The following PTBP2 variants were observed in gnomAD, a reference collection of about 807,000 sequenced individuals.
PTBP2 encodes the protein polypyrimidine tract-binding protein 2.
A neutral mutation model predicts 61.4 loss-of-function variants in PTBP2; 13 were observed. The observed-to-expected ratio is 0.21, with a 90% CI of 0.14 to 0.34. PTBP2 has a LOEUF of 0.34. Among genes scored for constraint, PTBP2 ranks in the 10% least tolerant of loss-of-function variants. The pLI, the probability that PTBP2 is intolerant of heterozygous loss-of-function variation, is 1.00. For synonymous variants in PTBP2, 215 were observed against 218.5 expected (o/e 0.98, Z 0.14); for missense variants, 405 against 642.6 (o/e 0.63, Z 4.00).
At chr1:96,755,417 C>T (rs1411614534) in intron 3 of PTBP2, among the ~76,000 whole-genome samples, 3 of 152,096 alleles carry the variant, frequency 2.0e-5, no homozygotes, top group African/African-American at 7.2e-5. Flanking sequence ...AATGTAAAAT[C>T]GTAGTACTTT....
intron 2 of PTBP2, among the ~76,000 whole-genome samples, chr1:96,746,225 CTT>C (rs1159372663): frequency 2.6e-5 from 4 of 152,042 alleles, no homozygotes; most frequent in African/African-American, 9.7e-5. Context: ...GTAAAATAAA[CTT>C]TATGAGACAG....
intron 8 of PTBP2, among the ~76,000 whole-genome samples, chr1:96,789,941 A>G (rs1452724529): frequency 4.6e-5 from 7 of 152,146 alleles, no homozygotes; most frequent in African/African-American, 9.6e-5. Context: ...AATGTCCTCA[A>G]ATACCCAGCT....
In PTBP2 at chr1:96,723,561, C is replaced by T; in HGVS notation, c.9-3C>T. 2 of 1,563,314 alleles carry T rather than the reference C, an allele frequency of 1.3e-6. No homozygotes were observed. Among genetic ancestry groups the T allele is most frequent in the Middle Eastern group, 1.7e-4 (1 of 5,830 alleles). On this transcript the variant is annotated splice_region_variant and splice_polypyrimidine_tract_variant and intron_variant, in intron 1 of 13. Transcript: ENST00000674951. Reference sequence around the variant, plus strand: ...GTTGAAACTACTTATTTTTTCTTTGCAGAATCGTCACTGAGGTTGCAGTTG... The same window carrying T: ...GTTGAAACTACTTATTTTTTCTTTGTAGAATCGTCACTGAGGTTGCAGTTG...
At chr1:96,822,584 G>A (rs1211488032) in exon 14 of PTBP2, 1 of 152,120 alleles carries the variant, frequency 6.6e-6, no homozygotes, top group East Asian at 1.9e-4. Flanking sequence ...CTTTTGAATT[G>A]ATTTAGTTTT....
rs1415723889 is a variant in PTBP2 at position 96,721,801 on chromosome 1, C to T, written c.-64C>T. ...CGGGCCCCAGCCGCCATTTTCTCGC[C>T]GCTTGTGTGGCTCGCTGGCTGCGTG... On this transcript the variant is annotated 5_prime_UTR_variant, in exon 1 of 14. Transcript: ENST00000674951. 1.3e-6 allele frequency: 2 copies of T among 1,550,120 alleles called. No individual in the cohort carries two copies. Among genetic ancestry groups the T allele is most frequent in the Admixed American group, 2.0e-5 (1 of 50,886 alleles).
At chr1:96,807,096 T>C (rs998460495) in intron 11 of PTBP2, 138 bp downstream of exon 11, 1 of 614,690 alleles carries the variant, frequency 1.6e-6, no homozygotes. Context: ...GTCATTTTAA[T>C]GTGAATAGTT....
rs552300530 is a variant in PTBP2, at chr1:96,738,973, A to C, written c.40-12452A>C. On this transcript the variant is annotated intron_variant, in intron 2 of 13. Coordinates refer to ENST00000674951, the MANE Select transcript of PTBP2 (RefSeq NM_021190.4). ...CTGTTCAGTGATAAGACAATGAATA[A>C]ATTCTGTTCATAAACATTACAAATG... is the stretch of plus-strand genomic sequence containing the variant. Among the ~76,000 whole-genome samples the C allele has an allele frequency of 7.2e-5, 11 of 152,332 alleles. No homozygotes were observed. The South Asian group carries it at 2.1e-3, about 29-fold the overall frequency.
At chr1:96,794,523 A>G (rs949226536) in intron 8 of PTBP2, among the ~76,000 whole-genome samples, 6 of 152,228 alleles carry the variant, frequency 3.9e-5, no homozygotes, top group African/African-American at 1.4e-4. Context: ...ATTAATTGCC[A>G]TGAACATTTC....
chr1:96,755,939 C>G (rs971920964), intron 3 of PTBP2, among the ~76,000 whole-genome samples: 1 of 152,078 alleles, frequency 6.6e-6, no homozygotes, highest in Non-Finnish European at 1.5e-5. Context: ...CAAAACTTGT[C>G]AAATTTTATA....
chr1:96,794,039 T>C (rs1660120087), intron 8 of PTBP2, among the ~76,000 whole-genome samples: 1 of 152,238 alleles, frequency 6.6e-6, no homozygotes, highest in Non-Finnish European at 1.5e-5. Context: ...TTAAAAACTT[T>C]TCACATAGTC....
downstream of PTBP2, chr1:96,819,091 A>G (rs1440288305): frequency 6.6e-6 from 1 of 152,020 alleles, no homozygotes; most frequent in African/African-American, 2.4e-5. Context: ...ATTTTTTTTA[A>G]TAGAATGCAA....
intron 3 of PTBP2, among the ~76,000 whole-genome samples, chr1:96,767,673 G>A (rs1159559856): frequency 6.6e-6 from 1 of 152,078 alleles, no homozygotes; most frequent in Non-Finnish European, 1.5e-5. Context: ...TAAAGTATAT[G>A]TGTATTTTTT....
intron 2 of PTBP2, among the ~76,000 whole-genome samples, chr1:96,729,780 G>A (rs957756635): frequency 1.4e-5 from 2 of 143,372 alleles, no homozygotes; most frequent in East Asian, 4.1e-4. Context: ...TCTGTCGCCC[G>A]GGCTGGAGTG....
At chr1:96,821,122 A>G (rs1004888523) in exon 14 of PTBP2, 3 of 152,088 alleles carry the variant, frequency 2.0e-5, no homozygotes, top group African/African-American at 7.2e-5. Flanking sequence ...GTCTTGTGTT[A>G]TTTGTAGTTT....
rs369703111 is a variant in PTBP2 at position 96,761,876 on chromosome 1, G to A, written c.116-7827G>A. Among the ~76,000 whole-genome samples the A allele has an allele frequency of 6.0e-4, 91 of 152,246 alleles. 2 individuals carry two copies. The highest frequency in any genetic ancestry group is 5.0e-3 in the East Asian group (26 of 5,150). ...AAGGTCTCTGGTTTTCCTAGGCAGA[G>A]GACCCTGCGGACTTCCGCAGTGTTT... On this transcript the variant is annotated intron_variant, in intron 3 of 13. Coordinates refer to ENST00000674951, the MANE Select transcript of PTBP2 (RefSeq NM_021190.4).
chr1:96,791,061 A>T (rs1049559058), intron 8 of PTBP2, among the ~76,000 whole-genome samples: 1 of 150,918 alleles, frequency 6.6e-6, no homozygotes, highest in Non-Finnish European at 1.5e-5. Flanking sequence ...ATTCATTGAG[A>T]GGATATACAT....
chr1:96,792,720 C>CAG (rs34264477), intron 8 of PTBP2, among the ~76,000 whole-genome samples: 85,647 of 151,604 alleles, frequency 0.56, 24,573 homozygotes, highest in East Asian at 0.68. Context: ...GGGTACAAAA[C>CAG]GGGTAGATAT....
At chr1:96,799,441 GC>G (rs930357195) in intron 8 of PTBP2, among the ~76,000 whole-genome samples, 2 of 151,742 alleles carry the variant, frequency 1.3e-5, no homozygotes, top group Admixed American at 6.6e-5. Flanking sequence ...TACTACAGGT[GC>G]CTGCCACCAC....
intron 3 of PTBP2, among the ~76,000 whole-genome samples, chr1:96,753,213 G>T (rs1486125360): frequency 6.6e-6 from 1 of 152,162 alleles, no homozygotes; most frequent in African/African-American, 2.4e-5. Context: ...GGGCTAAATG[G>T]TGATTCCATA....
Sources: gnomAD v4.1 joint callset for allele counts (sites outside exome capture counted in the v4.1 genomes callset) on GRCh38, gnomAD v4.1.1 for gene constraint, MANE v1.5 for transcripts, NCBI Gene and HGNC (gene_info 2026-07-23, HGNC 2026-07-21) for gene names.